Variants in BAIAP2L2 observed in about 807,000 individuals in gnomAD.
BAIAP2L2 encodes the protein BAR/IMD domain-containing adapter protein 2-like 2.
A neutral mutation model predicts 60.4 loss-of-function variants in BAIAP2L2; 65 were observed. The observed-to-expected ratio is 1.08, with a 90% confidence interval of 0.88 to 1.32. The LOEUF (loss-of-function observed/expected upper bound fraction) is 1.32. Among genes scored for constraint, BAIAP2L2 ranks in the 40% most tolerant of loss-of-function variants. The pLI, the probability that BAIAP2L2 is intolerant of heterozygous loss-of-function variation, is 0.00. For synonymous variants in BAIAP2L2, 344 were observed against 301.7 expected, an observed-to-expected ratio of 1.14 and a Z score of -1.45; for missense variants, 836 against 741.2, an observed-to-expected ratio of 1.13 and a Z score of -1.48.
At position 38,107,891 on chromosome 22, in the gene BAIAP2L2, A is replaced by G; in HGVS notation, c.237T>C (p.Ser79=). The G allele has an allele frequency of 6.2e-7, 1 of 1,613,490 alleles. No individual in the cohort carries two copies. The highest frequency in any genetic ancestry group is 1.7e-5 in the Admixed American group (1 of 60,010). Residue 79 remains serine (S), a synonymous_variant, in exon 4 of 14, where the codon TCT becomes TCC. Coordinates refer to ENST00000381669, the MANE Select transcript of BAIAP2L2 (RefSeq NM_025045.6). ...CAGAGTTCAAGTGCCGCTGGGTGTC[A>G]GACATCTGCACCAAGATCTCCCCTG... ...QILGEILVQM[S]DTQRHLNSDL...
intron 5 of BAIAP2L2, 43 bp from the exon 6 acceptor site, chr22:38,098,222 A>T (rs753885320): frequency 1.3e-6 from 2 of 1,591,236 alleles, no homozygotes; most frequent in East Asian, 2.2e-5. Flanking sequence ...CCCCCACATC[A>T]GAGAGCTCAA....
intron 12 of BAIAP2L2, 34 bp downstream of exon 12, chr22:38,086,208 T>A (rs770234986): frequency 6.3e-7 from 1 of 1,594,668 alleles, no homozygotes; most frequent in Non-Finnish European, 8.6e-7. Flanking sequence ...CCCTGCCCGC[T>A]GGAGGCCCCA....
In BAIAP2L2 at chr22:38,085,213, C is replaced by CTGCTGCTGT. The variant is rs539522624; in HGVS notation, c.*78_*86dup. ...CGTCTCAGGGACCCGCTTCTTGGAT[C>CTGCTGCTGT]TGCTGCTGTTGCTGCTGTCGCTGCC... On this transcript the variant is annotated 3_prime_UTR_variant, in exon 14 of 14. Transcript: ENST00000381669. 3.5e-6 allele frequency: 5 copies of CTGCTGCTGT among 1,432,424 alleles called. No homozygotes were observed. Among genetic ancestry groups the CTGCTGCTGT allele is most frequent in the Non-Finnish European group, 2.9e-6 (3 of 1,032,648 alleles). The allele number at this position is 1,432,424 out of a possible 1,614,324, so 88.7% of individuals were successfully genotyped here.
Position 38,085,034 on chromosome 22 carries a change from T to G in BAIAP2L2, c.*266A>C. ...GGGAAAGAGGTTAGGGGGCAAGAGG[T>G]GGGCCCCCCAGGGAGAGTCCTGGAG... On this transcript the variant is annotated 3_prime_UTR_variant, in exon 14 of 14. Transcript: ENST00000381669. 4.5e-6 allele frequency: 2 copies of G among 443,800 alleles called. No homozygotes were observed. Among genetic ancestry groups the G allele is most frequent in the South Asian group, 2.5e-5 (1 of 39,960 alleles). 27.5% of individuals were successfully genotyped at this position (443,800 alleles called of 1,614,324 possible). A position where few individuals can be genotyped will look rare whatever the true frequency, so the allele number is the denominator to read the frequency against.
At position 38,085,176 on chromosome 22, in the gene BAIAP2L2, G is replaced by A; in HGVS notation, c.*124C>T. 9.5e-7 allele frequency: 1 copy of A among 1,050,692 alleles called. No homozygotes were observed. The highest frequency in any genetic ancestry group is 1.4e-6 in the Non-Finnish European group (1 of 718,016). 65.1% of individuals were successfully genotyped at this position (1,050,692 alleles called of 1,614,324 possible). A position where few individuals can be genotyped will look rare whatever the true frequency, so the allele number is the denominator to read the frequency against. On this transcript the variant is annotated 3_prime_UTR_variant, in exon 14 of 14. Transcript: ENST00000381669. ...AGGCTGCCGGGGTGGTCTGGGGAGGGCAGCCACCCCCCGTCTCAGGGACCC... is the reference window on the plus strand; with the variant it reads ...AGGCTGCCGGGGTGGTCTGGGGAGGACAGCCACCCCCCGTCTCAGGGACCC...
Position 38,089,573 on chromosome 22 carries a change from C to A in BAIAP2L2, c.714G>T (p.Ala238=). 8.1e-7 allele frequency: 1 copy of A among 1,231,022 alleles called. No homozygotes were observed. Among genetic ancestry groups the A allele is most frequent in the Non-Finnish European group, 1.0e-6 (1 of 988,848 alleles). 76.3% of individuals were successfully genotyped at this position (1,231,022 alleles called of 1,614,324 possible). A position where few individuals can be genotyped will look rare whatever the true frequency, so the allele number is the denominator to read the frequency against. The change falls in exon 8 of 14, where the codon GCG becomes GCT. Residue 238 remains alanine (A), a synonymous_variant. Coordinates refer to ENST00000381669, the MANE Select transcript of BAIAP2L2 (RefSeq NM_025045.6). ...GGCCCGAGGGGTAGGGCGGCCCCAG[C>A]GCGGGGCCCAGCAGGCCGGGGGAGT... ...RAHSPGLLGP[A]LGPPYPSGRL...
Position 38,108,135 on chromosome 22 carries a change from A to G in BAIAP2L2, c.214+120T>C. The G allele has an allele frequency of 2.8e-6, 3 of 1,069,610 alleles. 1 individual carries two copies. The highest frequency in any genetic ancestry group is 1.5e-5 in the South Asian group (1 of 66,170). 66.3% of individuals were successfully genotyped at this position (1,069,610 alleles called of 1,614,324 possible). A position where few individuals can be genotyped will look rare whatever the true frequency, so the allele number is the denominator to read the frequency against. On this transcript the variant is annotated intron_variant, in intron 3 of 13. Coordinates refer to ENST00000381669, the MANE Select transcript of BAIAP2L2 (RefSeq NM_025045.6). The stretch of plus-strand genomic sequence containing the variant: ...GGCGGGGAGCCTGGGCCCCAGAACA[A>G]GAGTCTGGCTCTGGGCCCTGGGCTG...
At chr22:38,086,483 G>T in intron 11 of BAIAP2L2, 34 bp from the exon 12 acceptor site, 1 of 1,440,924 alleles carries the variant, frequency 6.9e-7, no homozygotes, top group Non-Finnish European at 9.3e-7. Flanking sequence ...AAGGAAAGGG[G>T]TTGGGGCCTG....
At chr22:38,108,430 T>C in intron 2 of BAIAP2L2, 89 bp from the exon 3 acceptor site, 1 of 1,057,884 alleles carries the variant, frequency 9.5e-7, no homozygotes, top group East Asian at 2.5e-5. Flanking sequence ...ACTGTGTCTG[T>C]CCTGGGTGGG....
At position 38,086,325 on chromosome 22, in the gene BAIAP2L2, G is replaced by A. The variant is rs761622050; in HGVS notation, c.1384C>T (p.Arg462Cys). Residue 462 changes from arginine (R) to cysteine (C), a missense_variant, in exon 12 of 14, where the codon CGT becomes TGT. Physicochemically the swap from Arg to Cys is radical, Grantham distance 180 (BLOSUM62 -3). Coordinates refer to ENST00000381669, the MANE Select transcript of BAIAP2L2 (RefSeq NM_025045.6). ...RSRTPSRVPS[R>C]APSPAPPPLP... is the part of the protein sequence containing the mutation. Reference sequence around the variant, plus strand: ...GGTGGAGGTGCAGGGCTGGGGGCACGGCTTGGCACCCGGCTTGGGGTGCGG... The same window carrying A: ...GGTGGAGGTGCAGGGCTGGGGGCACAGCTTGGCACCCGGCTTGGGGTGCGG... 40 of 1,603,730 alleles carry A rather than the reference G, an allele frequency of 2.5e-5. No individual in the cohort carries two copies. Among genetic ancestry groups the A allele is most frequent in the Admixed American group, 5.1e-5 (3 of 59,178 alleles).
chr22:38,099,490 C>T (rs774476589), intron 4 of BAIAP2L2, among the ~76,000 whole-genome samples: 5 of 151,570 alleles, frequency 3.3e-5, no homozygotes, highest in African/African-American at 9.7e-5. Context: ...GCGGAGATCA[C>T]GCCACTGCAC....
At chr22:38,105,206 T>C (rs1041835787) in intron 4 of BAIAP2L2, among the ~76,000 whole-genome samples, 1 of 152,176 alleles carries the variant, frequency 6.6e-6, no homozygotes, top group African/African-American at 2.4e-5. Context: ...GACCTGTTAA[T>C]GGCTGGTCAT....
chr22:38,090,116 T>TAA (rs1292455147), intron 7 of BAIAP2L2: 1 of 127,440 alleles, frequency 7.8e-6, no homozygotes, highest in Non-Finnish European at 1.8e-5. Flanking sequence ...TTTTTTTTTT[T>TAA]TTTTTTTTTT....
intron 6 of BAIAP2L2, 47 bp downstream of exon 6, chr22:38,098,016 T>TCCTG: frequency 1.3e-6 from 1 of 789,092 alleles, no homozygotes; most frequent in Non-Finnish European, 2.1e-6. Context: ...CCCCGAGGTC[T>TCCTG]GCCCACCCGC....
chr22:38,096,965 T>C, intron 7 of BAIAP2L2, 67 bp downstream of exon 7: 6 of 1,537,900 alleles, frequency 3.9e-6, no homozygotes, highest in Admixed American at 2.0e-5. Context: ...GAAACCTCTA[T>C]GTACGGCCAC....
At chr22:38,086,995 CAA>C (rs566442023) in intron 11 of BAIAP2L2, 127 bp downstream of exon 11, 278 of 897,298 alleles carry the variant, frequency 3.1e-4, no homozygotes, top group South Asian at 6.5e-4. Context: ...GACTCTGTCT[CAA>C]AAAAAAAAAA....
chr22:38,098,495 C>T lies in BAIAP2L2; in HGVS notation c.277-13G>A, dbSNP rs1250746308. 1 of 1,611,848 alleles carries T rather than the reference C, an allele frequency of 6.2e-7. No individual in the cohort carries two copies. Among genetic ancestry groups the T allele is most frequent in the South Asian group, 1.1e-5 (1 of 90,964 alleles). Reference sequence around the variant, plus strand: ...GGAATGTCTGCACCTGAGCGGAGTGCAGGGTGAGGGTGATCAAGGCCCCCC... The same window carrying T: ...GGAATGTCTGCACCTGAGCGGAGTGTAGGGTGAGGGTGATCAAGGCCCCCC... On this transcript the variant is annotated splice_polypyrimidine_tract_variant and intron_variant, in intron 4 of 13. Transcript: ENST00000381669.
chr22:38,087,101 C>A (rs1202261843), intron 11 of BAIAP2L2, 23 bp downstream of exon 11: 1 of 1,535,380 alleles, frequency 6.5e-7, no homozygotes, highest in Non-Finnish European at 8.7e-7. Context: ...TCACCCCCGC[C>A]CCACCCCTGA....
At chr22:38,109,700 T>C (rs1372921260) in intron 1 of BAIAP2L2, among the ~76,000 whole-genome samples, 12 of 151,686 alleles carry the variant, frequency 7.9e-5, no homozygotes, top group Non-Finnish European at 1.0e-4. Context: ...GCTGGATTAG[T>C]GTGGGCCTCC....
Sources: gnomAD v4.1 joint callset for allele counts (sites outside exome capture counted in the v4.1 genomes callset) on GRCh38, gnomAD v4.1.1 for gene constraint, MANE v1.5 for transcripts, NCBI Gene and HGNC (gene_info 2026-07-23, HGNC 2026-07-21) for gene names.